The following ZNF385D variants were observed in gnomAD, a reference collection of about 807,000 sequenced individuals.
ZNF385D encodes the protein zinc finger protein 659.
A neutral mutation model predicts 35.8 loss-of-function variants in ZNF385D; 15 were observed. That is an observed-to-expected ratio of 0.42 (90% CI 0.28 to 0.64). The LOEUF (loss-of-function observed/expected upper bound fraction) is 0.64, where lower values mean the gene tolerates loss of function less well. Among genes scored for constraint, ZNF385D ranks in the 30% least tolerant of loss-of-function variants. The pLI is 0.23. For missense variants in ZNF385D, 474 were observed against 494.6 expected, an observed-to-expected ratio of 0.96 and a Z score of 0.39; for synonymous variants, 212 against 186.8, an observed-to-expected ratio of 1.13 and a Z score of -1.10.
At chr3:21,608,012 C>CTTTTTTTTTTTTTTTTTTTTTTTTTTTT (rs368555930) in intron 2 of ZNF385D, among the ~76,000 whole-genome samples, 13 of 123,962 alleles carry the variant, frequency 1.0e-4, no homozygotes, top group African/African-American at 4.1e-4. Flanking sequence ...TCTTTTTCTT[C>CTTTTTTTTTTTTTTTTTTTTTTTTTTTT]TTTTTTTTTT....
At chr3:21,681,316 A>AAAAAAAAAAAAAAAAAAAAC (rs1334410224) in intron 1 of ZNF385D, among the ~76,000 whole-genome samples, 5 of 141,782 alleles carry the variant, frequency 3.5e-5, no homozygotes, top group Non-Finnish European at 6.3e-5. Context: ...AAAAAAAAAA[A>AAAAAAAAAAAAAAAAAAAAC]AAAAAAAACC....
chr3:22,345,396 CAT>C (rs1438852835), intron 2 of ZNF385D, among the ~76,000 whole-genome samples: 1 of 152,148 alleles, frequency 6.6e-6, no homozygotes, highest in African/African-American at 2.4e-5. Context: ...TCTCTTCAAA[CAT>C]AAAGTAAAAT....
chr3:21,759,700 T>G (rs1559594242), intron 3 of ZNF385D, among the ~76,000 whole-genome samples: 1 of 152,086 alleles, frequency 6.6e-6, no homozygotes. Context: ...GAATCAGCCC[T>G]CCCAGACCCA....
chr3:21,794,305 C>T (rs1393461234), intron 3 of ZNF385D, among the ~76,000 whole-genome samples: 1 of 152,014 alleles, frequency 6.6e-6, no homozygotes, highest in Non-Finnish European at 1.5e-5. Context: ...TTGGGAGCTT[C>T]TGATCTAGTA....
chr3:22,216,977 T>C (rs907530739), intron 2 of ZNF385D, among the ~76,000 whole-genome samples: 1 of 152,152 alleles, frequency 6.6e-6, no homozygotes, highest in Non-Finnish European at 1.5e-5. Context: ...AGCATCTGTC[T>C]TGAATTTTCA....
chr3:22,171,405 T>A (rs1217395026), intron 2 of ZNF385D, among the ~76,000 whole-genome samples: 1 of 152,196 alleles, frequency 6.6e-6, no homozygotes, highest in Admixed American at 6.5e-5. Context: ...TGCTTACACA[T>A]GAGAAATTCC....
chr3:22,177,886 A>C (rs1281634497), intron 2 of ZNF385D, among the ~76,000 whole-genome samples: 2 of 152,164 alleles, frequency 1.3e-5, no homozygotes. Context: ...TTCCAGCTTC[A>C]TCCAATGTCC....
intron 2 of ZNF385D, among the ~76,000 whole-genome samples, chr3:21,660,518 G>A (rs1282009463): frequency 6.6e-6 from 1 of 152,142 alleles, no homozygotes; most frequent in African/African-American, 2.4e-5. Context: ...TCCAAAAGTA[G>A]TACTTTTTCA....
chr3:21,970,971 A>G (rs1216450581), intron 3 of ZNF385D, among the ~76,000 whole-genome samples: 3 of 152,108 alleles, frequency 2.0e-5, no homozygotes, highest in East Asian at 1.9e-4. Flanking sequence ...TCCAGTAAAA[A>G]TGTTCTTCAA....
chr3:21,931,725 G>T (rs539826593), intron 3 of ZNF385D, among the ~76,000 whole-genome samples: 4 of 152,112 alleles, frequency 2.6e-5, no homozygotes, highest in African/African-American at 9.7e-5. Context: ...GACAAGAGGG[G>T]TATTTGGGGG....
At chr3:21,984,948 C>A (rs1295954949) in intron 3 of ZNF385D, among the ~76,000 whole-genome samples, 1 of 150,844 alleles carries the variant, frequency 6.6e-6, no homozygotes, top group African/African-American at 2.4e-5. Context: ...GGAGTTCACT[C>A]ATGATTTGGC....
In ZNF385D at chr3:21,694,042, C is replaced by CTTTTTTTTTTTT. The variant is rs35586361; in HGVS notation, c.23-29026_23-29015dup. 1.4e-3 allele frequency among the ~76,000 whole-genome samples: 31 copies of CTTTTTTTTTTTT among 22,166 alleles called. 7 individuals are homozygous for CTTTTTTTTTTTT. The highest frequency in any genetic ancestry group is 5.5e-3 in the African/African-American group (26 of 4,754). 14.5% of individuals were successfully genotyped at this position (22,166 alleles called of 152,430 possible). The stretch of plus-strand genomic sequence containing the variant: ...TACAGGCGCGTGCCACTACGCCTGG[C>CTTTTTTTTTTTT]TTTTTTTTTTTTTTTTTTTGAGACA... On this transcript the variant is annotated intron_variant, in intron 1 of 7. Coordinates refer to ENST00000281523, the MANE Select transcript of ZNF385D (RefSeq NM_024697.3).
chr3:21,887,104 C>T (rs1698587124), intron 3 of ZNF385D, among the ~76,000 whole-genome samples: 1 of 152,052 alleles, frequency 6.6e-6, no homozygotes, highest in African/African-American at 2.4e-5. Context: ...ATAAAAGGTC[C>T]CTTCTTGAAG....
intron 3 of ZNF385D, among the ~76,000 whole-genome samples, chr3:21,988,659 G>A (rs1334121913): frequency 6.6e-6 from 1 of 151,564 alleles, no homozygotes; most frequent in Admixed American, 6.5e-5. Context: ...GGAGCCTACA[G>A]AGGCAGGCAG....
intron 3 of ZNF385D, among the ~76,000 whole-genome samples, chr3:22,005,628 T>C (rs1340596631): frequency 2.6e-5 from 4 of 152,078 alleles, no homozygotes; most frequent in Non-Finnish European, 5.9e-5. Context: ...TATATATCAA[T>C]AAGAATTAAA....
intron 2 of ZNF385D, among the ~76,000 whole-genome samples, chr3:21,631,155 T>A (rs540097394): frequency 2.0e-5 from 3 of 152,220 alleles, no homozygotes; most frequent in South Asian, 2.1e-4. Context: ...AAACACTGAA[T>A]AGAAACTTTC....
At chr3:22,306,405 T>C (rs1703222300) in intron 2 of ZNF385D, among the ~76,000 whole-genome samples, 1 of 152,146 alleles carries the variant, frequency 6.6e-6, no homozygotes, top group South Asian at 2.1e-4. Flanking sequence ...GAGAATGTCA[T>C]ATTATTAAGT....
intron 2 of ZNF385D, among the ~76,000 whole-genome samples, chr3:22,215,889 T>C (rs2125270666): frequency 6.6e-6 from 1 of 152,120 alleles, no homozygotes; most frequent in Middle Eastern, 3.4e-3. Context: ...TTGTACTCTG[T>C]CCCTTTATTT....
intron 1 of ZNF385D, among the ~76,000 whole-genome samples, chr3:21,702,153 A>G (rs189252029): frequency 2.1e-3 from 317 of 152,314 alleles, no homozygotes; most frequent in Non-Finnish European, 3.8e-3. Context: ...CCATGAGGGT[A>G]CCACCCCTGC....
Sources: gnomAD v4.1 joint callset for allele counts (sites outside exome capture counted in the v4.1 genomes callset) on GRCh38, gnomAD v4.1.1 for gene constraint, MANE v1.5 for transcripts, NCBI Gene and HGNC (gene_info 2026-07-23, HGNC 2026-07-21) for gene names.